The following PDE8A variants were observed in gnomAD, a reference collection of about 807,000 sequenced individuals.
The protein encoded by PDE8A is phosphodiesterase 8A, also known as high affinity cAMP-specific and IBMX-insensitive 3',5'-cyclic phosphodiesterase 8A.
PDE8A carries 59 observed loss-of-function variants against 105.0 expected under a neutral mutation model. The observed-to-expected ratio is 0.56, with a 90% CI of 0.46 to 0.70. PDE8A has a LOEUF of 0.70. Among genes scored for constraint, PDE8A ranks in the 30% least tolerant of loss-of-function variants. The pLI is 0.00. For synonymous variants in PDE8A, 355 were observed against 371.9 expected (o/e 0.95, Z 0.52); for missense variants, 1,014 against 1,045.9 (o/e 0.97, Z 0.42).
At chr15:85,083,741 G>A (rs1054132941) in intron 6 of PDE8A, 97 bp downstream of exon 6, 1 of 754,288 alleles carries the variant, frequency 1.3e-6, no homozygotes, top group Admixed American at 2.0e-5. Context: ...ATGGCCTCTT[G>A]CAGAAATGGG....
At chr15:85,136,748 A>T in intron 21 of PDE8A, 85 bp downstream of exon 21, 1 of 1,352,646 alleles carries the variant, frequency 7.4e-7, no homozygotes, top group Non-Finnish European at 1.0e-6. Context: ...TTGACTGTAG[A>T]ATATGATTTG....
At chr15:85,083,293 A>T (rs966701286) in intron 5 of PDE8A, among the ~76,000 whole-genome samples, 1 of 148,402 alleles carries the variant, frequency 6.7e-6, no homozygotes, top group Non-Finnish European at 1.5e-5. Context: ...TTAACGGAAG[A>T]TGCTGAAAGA....
At chr15:85,132,391 T>C (rs2082341844) in intron 20 of PDE8A, among the ~76,000 whole-genome samples, 1 of 152,224 alleles carries the variant, frequency 6.6e-6, no homozygotes, top group South Asian at 2.1e-4. Flanking sequence ...CTTTTCTTCA[T>C]TCTTTTTTCT....
chr15:85,119,650 G>A (rs2082151288), intron 17 of PDE8A, among the ~76,000 whole-genome samples: 2 of 152,056 alleles, frequency 1.3e-5, no homozygotes, highest in Admixed American at 6.6e-5. Flanking sequence ...GGGACATAAT[G>A]TGTTGAACTT....
At chr15:85,085,274 A>G (rs955945333) in intron 6 of PDE8A, among the ~76,000 whole-genome samples, 1 of 152,198 alleles carries the variant, frequency 6.6e-6, no homozygotes, top group African/African-American at 2.4e-5. Flanking sequence ...GAGATATAAA[A>G]ATATAAAGGG....
intron 1 of PDE8A, among the ~76,000 whole-genome samples, chr15:84,997,968 A>G (rs2080007265): frequency 6.6e-6 from 1 of 152,194 alleles, no homozygotes; most frequent in South Asian, 2.1e-4. Flanking sequence ...ACTTGGATTT[A>G]TTCTTAGAAT....
intron 19 of PDE8A, among the ~76,000 whole-genome samples, chr15:85,125,075 G>T (rs2082239293): frequency 6.6e-6 from 1 of 152,162 alleles, no homozygotes; most frequent in South Asian, 2.1e-4. Flanking sequence ...AGAAAGAAGG[G>T]TCAGCACAGA....
At chr15:85,130,102 C>G (rs1301833480) in intron 20 of PDE8A, among the ~76,000 whole-genome samples, 5 of 152,070 alleles carry the variant, frequency 3.3e-5, no homozygotes, top group Non-Finnish European at 7.4e-5. Context: ...ATGATCAGAG[C>G]AAAGGAAGGG....
At chr15:85,006,427 C>G (rs984977440) in intron 1 of PDE8A, among the ~76,000 whole-genome samples, 2 of 152,096 alleles carry the variant, frequency 1.3e-5, no homozygotes, top group African/African-American at 4.8e-5. Context: ...GTACATGGTC[C>G]AGGCACTCAG....
At chr15:85,132,118 T>C (rs1488577997) in intron 20 of PDE8A, among the ~76,000 whole-genome samples, 1 of 152,206 alleles carries the variant, frequency 6.6e-6, no homozygotes, top group Non-Finnish European at 1.5e-5. Flanking sequence ...TTCATATCTT[T>C]CCCCAGATTA....
intron 1 of PDE8A, among the ~76,000 whole-genome samples, chr15:85,031,911 A>C (rs547412465): frequency 9.2e-5 from 14 of 152,318 alleles, no homozygotes; most frequent in African/African-American, 3.1e-4. Flanking sequence ...CCTAACCTGC[A>C]GGTTACCCTC....
intron 1 of PDE8A, among the ~76,000 whole-genome samples, chr15:84,995,448 G>T (rs2079960992): frequency 6.6e-6 from 1 of 151,916 alleles, no homozygotes; most frequent in Non-Finnish European, 1.5e-5. Flanking sequence ...CTCCTGGGTA[G>T]CTGGGACTAC....
At chr15:85,064,694 C>A (rs2081194375) in intron 2 of PDE8A, among the ~76,000 whole-genome samples, 1 of 152,156 alleles carries the variant, frequency 6.6e-6, no homozygotes, top group African/African-American at 2.4e-5. Context: ...TGGCTCATGC[C>A]TATAATCCCA....
upstream of PDE8A, among the ~76,000 whole-genome samples, chr15:84,980,893 C>G (rs1453065173): frequency 6.6e-6 from 1 of 152,216 alleles, no homozygotes; most frequent in East Asian, 1.9e-4. Context: ...CGCCCCGGCG[C>G]CTGTGTAATC....
At position 85,066,950 on chromosome 15, in the gene PDE8A, A is replaced by C. The variant is rs1268179077; in HGVS notation, c.244-64A>C. ...CAAGACTCTGTCTCAAGAAAAAAAA[A>C]GTGTAAGAAATGACAATTCTAACAT... On this transcript the variant is annotated intron_variant, in intron 2 of 21. Coordinates refer to ENST00000394553, the MANE Select transcript of PDE8A (RefSeq NM_002605.3). 4 of 1,258,970 alleles carry C rather than the reference A, an allele frequency of 3.2e-6. No homozygotes were observed. The East Asian group carries it at 9.4e-5, about 30-fold the overall frequency. The allele number at this position is 1,258,970 out of a possible 1,614,324, so 78.0% of individuals were successfully genotyped here. A position where few individuals can be genotyped will look rare whatever the true frequency, so the allele number is the denominator to read the frequency against.
chr15:85,038,314 G>A (rs1342391547), intron 1 of PDE8A, among the ~76,000 whole-genome samples: 2 of 151,610 alleles, frequency 1.3e-5, no homozygotes, highest in Admixed American at 6.6e-5. Context: ...TCAGTTTTAC[G>A]TTTTGCAGAT....
intron 1 of PDE8A, among the ~76,000 whole-genome samples, chr15:84,988,667 G>A (rs1244297384): frequency 6.6e-6 from 1 of 152,178 alleles, no homozygotes; most frequent in Non-Finnish European, 1.5e-5. Context: ...AGTGCTGCAT[G>A]TACCTATCTT....
At chr15:85,006,452 G>C (rs943516722) in intron 1 of PDE8A, among the ~76,000 whole-genome samples, 1 of 152,006 alleles carries the variant, frequency 6.6e-6, no homozygotes. Context: ...TTTGATTTGG[G>C]AATTAACATT....
intron 1 of PDE8A, among the ~76,000 whole-genome samples, chr15:85,015,880 T>C (rs1477906902): frequency 3.9e-5 from 6 of 152,182 alleles, no homozygotes; most frequent in African/African-American, 7.2e-5. Context: ...CTCACACTTG[T>C]AATCCCAGCA....
Sources: gnomAD v4.1 joint callset for allele counts (sites outside exome capture counted in the v4.1 genomes callset) on GRCh38, gnomAD v4.1.1 for gene constraint, MANE v1.5 for transcripts, NCBI Gene and HGNC (gene_info 2026-07-23, HGNC 2026-07-21) for gene names.